ZNF652: variants seen among roughly 807,000 people sequenced by gnomAD.
ZNF652 encodes the protein zinc finger protein 652.
In ZNF652, 16 loss-of-function variants were observed where a neutral mutation model predicts 45.2. The ratio of observed to expected loss-of-function variants is 0.35; its 90% CI spans 0.24 to 0.54. The LOEUF (loss-of-function observed/expected upper bound fraction) is 0.54, where lower values mean the gene tolerates loss of function less well. Ranked by LOEUF, ZNF652 falls within the 20% of genes least tolerant of loss-of-function variation. The probability of loss-of-function intolerance (pLI) is 0.91; values close to 1 mark genes in which losing one functional copy is unlikely to be tolerated. For missense variants in ZNF652, 614 were observed against 765.6 expected, an observed-to-expected ratio of 0.80 and a Z score of 2.34; for synonymous variants, 250 against 260.6, an observed-to-expected ratio of 0.96 and a Z score of 0.39.
intron 1 of ZNF652, among the ~76,000 whole-genome samples, chr17:49,350,996 TATATATATATATATATATACACACACAC>T (rs1270241511): frequency 5.0e-4 from 11 of 22,044 alleles, no homozygotes; most frequent in African/African-American, 1.9e-3. Flanking sequence ...TATATATATA[TATATATATATATATATATACACACACAC>T]ACACACACAC....
At chr17:49,339,980 CCT>C (rs1379056537) in intron 1 of ZNF652, among the ~76,000 whole-genome samples, 1 of 152,158 alleles carries the variant, frequency 6.6e-6, no homozygotes, top group African/African-American at 2.4e-5. Flanking sequence ...GATCCACCTG[CCT>C]CTGTTTCTCA....
intron 1 of ZNF652, among the ~76,000 whole-genome samples, chr17:49,335,692 T>A (rs1240496491): frequency 6.6e-6 from 1 of 152,248 alleles, no homozygotes; most frequent in Non-Finnish European, 1.5e-5. Flanking sequence ...ATAATTTCAA[T>A]TCAACTCTTT....
intron 1 of ZNF652, among the ~76,000 whole-genome samples, chr17:49,321,422 CTTTTTT>C (rs11350404): frequency 1.1e-3 from 83 of 73,248 alleles, no homozygotes; most frequent in African/African-American, 4.3e-3. Flanking sequence ...CACCACCACG[CTTTTTT>C]TTTTTTTTTT....
intron 1 of ZNF652, among the ~76,000 whole-genome samples, chr17:49,328,261 G>C (rs914270920): frequency 1.3e-5 from 2 of 152,006 alleles, no homozygotes; most frequent in Admixed American, 1.3e-4. Flanking sequence ...GCTGGGGCTG[G>C]TCTTGAAGGA....
chr17:49,360,968 G>A (rs577738232), intron 1 of ZNF652, among the ~76,000 whole-genome samples: 19 of 152,302 alleles, frequency 1.2e-4, no homozygotes, highest in African/African-American at 4.6e-4. Context: ...ACAATCTGGG[G>A]GCAAAGGCAG....
Position 49,333,063 on chromosome 17 carries a change from A to AT in ZNF652, c.-258-15081dup, listed in dbSNP as rs879943097. 3.3e-3 allele frequency among the ~76,000 whole-genome samples: 482 copies of AT among 146,498 alleles called. 2 individuals are homozygous for AT. Among genetic ancestry groups the AT allele is most frequent in the African/African-American group, 5.7e-3 (228 of 40,118 alleles). ...CTGAAAAAAATAATAAAATAAAATAATTTTTTTTTTTTGAGACAGAGTCTC... is the reference window on the plus strand; with the variant it reads ...CTGAAAAAAATAATAAAATAAAATAATTTTTTTTTTTTTGAGACAGAGTCTC... On this transcript the variant is annotated intron_variant, in intron 1 of 5. Transcript: ENST00000430262.
chr17:49,315,659 G>C (rs2069793230), intron 2 of ZNF652, among the ~76,000 whole-genome samples: 1 of 151,884 alleles, frequency 6.6e-6, no homozygotes, highest in South Asian at 2.1e-4. Flanking sequence ...GAGTGCAGCA[G>C]TGCACCACAC....
chr17:49,330,283 G>A (rs2070008816), intron 1 of ZNF652, among the ~76,000 whole-genome samples: 1 of 151,842 alleles, frequency 6.6e-6, no homozygotes, highest in Non-Finnish European at 1.5e-5. Flanking sequence ...TTTTATTTTT[G>A]CAAAAACGTG....
intron 1 of ZNF652, 115 bp downstream of exon 1, chr17:49,361,794 A>T (rs143235638): frequency 0.043 from 6,469 of 151,588 alleles, 330 homozygotes; most frequent in African/African-American, 0.11. Flanking sequence ...GCCTCGGCGA[A>T]GGGTTACGCC....
rs1350793916 is a variant in ZNF652 at position 49,317,241 on chromosome 17, G to A, written c.485C>T (p.Ala162Val). Residue 162 changes from alanine to valine, a missense_variant, in exon 2 of 6, where the codon GCC becomes GTC. This residue lies in a region of ZNF652 where 262 missense variants were observed against 306.3 expected (regional missense o/e 0.86). Transcript: ENST00000430262. ...EEEEEESEEE[A>V]TDDSNDYGEN... ...TCCATAGTCATTGCTGTCATCTGTG[G>A]CCTCTTCCTCACTCTCTTCCTCTTC... 1 of 1,612,964 alleles carries A rather than the reference G, an allele frequency of 6.2e-7. No individual in the cohort carries two copies.
chr17:49,305,634 C>T (rs907751566), intron 5 of ZNF652, among the ~76,000 whole-genome samples: 4 of 152,000 alleles, frequency 2.6e-5, no homozygotes, highest in African/African-American at 9.7e-5. Flanking sequence ...ATGCATTTTA[C>T]CTGCTATTAT....
intron 5 of ZNF652, among the ~76,000 whole-genome samples, chr17:49,308,535 C>T (rs1234317424): frequency 1.3e-5 from 2 of 152,130 alleles, no homozygotes; most frequent in Admixed American, 6.5e-5. Context: ...GGCATGGTGG[C>T]TCATGCCTGT....
chr17:49,315,712 A>G (rs984308523), intron 2 of ZNF652, among the ~76,000 whole-genome samples: 3 of 152,222 alleles, frequency 2.0e-5, no homozygotes, highest in Non-Finnish European at 4.4e-5. Flanking sequence ...TACCCAAGCC[A>G]GGGCACTGGC....
intron 2 of ZNF652, among the ~76,000 whole-genome samples, chr17:49,316,385 A>G (rs554104886): frequency 6.6e-6 from 1 of 152,146 alleles, no homozygotes; most frequent in Non-Finnish European, 1.5e-5. Flanking sequence ...CACCGGTCTG[A>G]GTCATTATGG....
At chr17:49,335,637 A>G (rs933084912) in intron 1 of ZNF652, among the ~76,000 whole-genome samples, 2 of 152,242 alleles carry the variant, frequency 1.3e-5, no homozygotes, top group Admixed American at 6.5e-5. Context: ...AAATATATAT[A>G]TAACAGCCAG....
At chr17:49,318,609 C>G (rs1356573446) in intron 1 of ZNF652, among the ~76,000 whole-genome samples, 1 of 152,128 alleles carries the variant, frequency 6.6e-6, no homozygotes, top group Non-Finnish European at 1.5e-5. Context: ...CATTCATTTT[C>G]CTAGATACTA....
At chr17:49,302,623 T>C (rs1474801626) in intron 5 of ZNF652, among the ~76,000 whole-genome samples, 2 of 151,866 alleles carry the variant, frequency 1.3e-5, no homozygotes, top group Admixed American at 1.3e-4. Flanking sequence ...ATGTATAATC[T>C]ATTAAGTTTA....
chr17:49,324,707 AT>A (rs1429693847), intron 1 of ZNF652, among the ~76,000 whole-genome samples: 1 of 116,770 alleles, frequency 8.6e-6, no homozygotes, highest in Non-Finnish European at 1.8e-5. Context: ...TCACTTTCTT[AT>A]CATTCATGTG....
intron 1 of ZNF652, among the ~76,000 whole-genome samples, chr17:49,323,170 C>A (rs1283094603): frequency 6.6e-6 from 1 of 152,218 alleles, no homozygotes; most frequent in Non-Finnish European, 1.5e-5. Context: ...TGGAGTCAAT[C>A]CTCTCAAACC....
Sources: allele counts gnomAD v4.1 joint callset (sites outside exome capture counted in the v4.1 genomes callset), GRCh38; gene constraint gnomAD v4.1.1; regional missense constraint gnomAD v4.1.1; transcripts MANE v1.5; gene names NCBI Gene and HGNC (gene_info 2026-07-23, HGNC 2026-07-21).